The following LOC400499 variants were observed in gnomAD, a reference collection of about 807,000 sequenced individuals.
the LOC400499 span, chr16:11,459,817 G>A: frequency 5.7e-6 from 7 of 1,232,226 alleles, no homozygotes; most frequent in African/African-American, 1.6e-5. Flanking sequence ...AGGGCCAGAG[G>A]GCCATGTGGG....
At chr16:11,430,261 C>T in the LOC400499 span, among the ~76,000 whole-genome samples, 6 of 152,160 alleles carry the variant, frequency 3.9e-5, no homozygotes, top group South Asian at 6.2e-4. Context: ...GGAGGCAGAT[C>T]GATCACTTGA....
the LOC400499 span, chr16:11,460,911 G>A: frequency 1.3e-6 from 2 of 1,482,732 alleles, no homozygotes; most frequent in Admixed American, 2.3e-5. Context: ...CTAGGAAACA[G>A]GGCAGGCCCT....
the LOC400499 span, among the ~76,000 whole-genome samples, chr16:11,527,121 C>T: frequency 6.6e-6 from 1 of 152,244 alleles, no homozygotes; most frequent in Non-Finnish European, 1.5e-5. Flanking sequence ...TCCGCAGTCA[C>T]TGCCATCAGC....
the LOC400499 span, among the ~76,000 whole-genome samples, chr16:11,374,976 A>G: frequency 0.65 from 99,384 of 151,740 alleles, 33,311 homozygotes; most frequent in African/African-American, 0.75. Context: ...AGCCTCCCAA[A>G]TAGCTGGGAT....
At chr16:11,454,605 G>T in the LOC400499 span, among the ~76,000 whole-genome samples, 2 of 152,246 alleles carry the variant, frequency 1.3e-5, no homozygotes, top group Admixed American at 6.5e-5. Context: ...AAAGGCAAGG[G>T]AGGGTTGTCC....
the LOC400499 span, chr16:11,462,318 G>T: frequency 2.1e-6 from 3 of 1,462,558 alleles, no homozygotes; most frequent in Non-Finnish European, 2.7e-6. Context: ...AACGGCCTCA[G>T]TGTCACCTGG....
the LOC400499 span, among the ~76,000 whole-genome samples, chr16:11,510,223 G>A: frequency 2.0e-5 from 3 of 149,502 alleles, no homozygotes; most frequent in Non-Finnish European, 3.0e-5. Flanking sequence ...TAGCAAAGGC[G>A]TGTGCCTTCT....
the LOC400499 span, chr16:11,494,793 G>C: frequency 2.5e-6 from 1 of 399,018 alleles, no homozygotes; most frequent in African/African-American, 2.1e-5. Flanking sequence ...ACCCGAGGTG[G>C]TGGGTAAATG....
the LOC400499 span, among the ~76,000 whole-genome samples, chr16:11,485,275 C>G: frequency 6.6e-6 from 1 of 152,148 alleles, no homozygotes; most frequent in African/African-American, 2.4e-5. Context: ...GTAGATGCCA[C>G]ACGGTAAGAA....
chr16:11,417,588 G>A, the LOC400499 span: 1 of 397,114 alleles, frequency 2.5e-6, no homozygotes. Flanking sequence ...CAGGCATGGA[G>A]GAAGCCAGCT....
the LOC400499 span, among the ~76,000 whole-genome samples, chr16:11,391,447 C>A: frequency 6.6e-6 from 1 of 152,184 alleles, no homozygotes; most frequent in Non-Finnish European, 1.5e-5. Flanking sequence ...CTTGGAGACT[C>A]TGTAAAAATG....
At chr16:11,458,624 G>A in the LOC400499 span, among the ~76,000 whole-genome samples, 1 of 152,314 alleles carries the variant, frequency 6.6e-6, no homozygotes, top group African/African-American at 2.4e-5. Context: ...GGAGAGAATG[G>A]GGAGTCAGCA....
the LOC400499 span, among the ~76,000 whole-genome samples, chr16:11,455,258 T>C: frequency 6.6e-6 from 1 of 152,162 alleles, no homozygotes; most frequent in Admixed American, 6.5e-5. Context: ...GAAGAGAATA[T>C]GTATTTGAAA....
chr16:11,470,812 G>C, the LOC400499 span: 2 of 152,564 alleles, frequency 1.3e-5, no homozygotes, highest in Non-Finnish European at 2.9e-5. Context: ...GGAGGCCCAG[G>C]AAGGCTGCCT....
At chr16:11,494,917 G>A in the LOC400499 span, among the ~76,000 whole-genome samples, 13 of 152,308 alleles carry the variant, frequency 8.5e-5, no homozygotes, top group African/African-American at 3.1e-4. Context: ...CATTTTAAAA[G>A]CACCCCAGAG....
the LOC400499 span, chr16:11,413,021 G>A: frequency 2.5e-6 from 1 of 398,682 alleles, no homozygotes; most frequent in Non-Finnish European, 4.4e-6. Flanking sequence ...GGCTGGGTGG[G>A]GACCCCAGCC....
At chr16:11,468,380 G>C in the LOC400499 span, among the ~76,000 whole-genome samples, 1 of 152,166 alleles carries the variant, frequency 6.6e-6, no homozygotes, top group Non-Finnish European at 1.5e-5. Flanking sequence ...CTGGAGTGCA[G>C]TGGCAGAAGC....
chr16:11,521,062 A>G, the LOC400499 span, among the ~76,000 whole-genome samples: 1 of 152,210 alleles, frequency 6.6e-6, no homozygotes, highest in African/African-American at 2.4e-5. Context: ...TGAAGGGTGT[A>G]AAAGGATGAT....
At chr16:11,480,633 A>T in the LOC400499 span, among the ~76,000 whole-genome samples, 3 of 152,350 alleles carry the variant, frequency 2.0e-5, no homozygotes, top group East Asian at 5.8e-4. Context: ...TAAGAAGAGA[A>T]AAAGTAGGCT....
Sources: allele counts gnomAD v4.1 joint callset (sites outside exome capture counted in the v4.1 genomes callset), GRCh38; gene constraint gnomAD v4.1.1; transcripts MANE v1.5.